The following ANKS1B variants were observed in gnomAD, a reference collection of about 807,000 sequenced individuals.
ANKS1B encodes the protein ankyrin repeat and sterile alpha motif domain-containing protein 1B.
In ANKS1B, 36 loss-of-function variants were observed where a neutral mutation model predicts 148.3. That is an observed-to-expected ratio of 0.24 (90% CI 0.19 to 0.32). ANKS1B has a LOEUF of 0.32. Ranked by LOEUF, ANKS1B falls within the 10% of genes least tolerant of loss-of-function variation. ANKS1B has a pLI of 1.00. For missense variants in ANKS1B, 1,157 were observed against 1,542.6 expected, an observed-to-expected ratio of 0.75 and a Z score of 4.19; for synonymous variants, 542 against 560.8, an observed-to-expected ratio of 0.97 and a Z score of 0.47.
chr12:99,462,229 T>C (rs1293056049), intron 10 of ANKS1B, among the ~76,000 whole-genome samples: 1 of 152,210 alleles, frequency 6.6e-6, no homozygotes, highest in Non-Finnish European at 1.5e-5. Flanking sequence ...CAGCTTTCTT[T>C]TGGAATTGCC....
chr12:99,633,798 C>T lies in ANKS1B; in HGVS notation c.1272+21269G>A, dbSNP rs372087570. On this transcript the variant is annotated intron_variant, in intron 9 of 26. Coordinates refer to ENST00000683438, the MANE Select transcript of ANKS1B (RefSeq NM_001352186.2). Reference sequence around the variant, plus strand: ...CTCAAACAAATTTACAAGAAAAAAACAACCCCATCAACAAGTGGGCGAAGG... The same window carrying T: ...CTCAAACAAATTTACAAGAAAAAAATAACCCCATCAACAAGTGGGCGAAGG... Among the ~76,000 whole-genome samples the T allele has an allele frequency of 1.7e-3, 261 of 152,244 alleles. 7 individuals are homozygous for T. In the South Asian group the frequency reaches 0.047, roughly 27 times the overall value.
chr12:99,635,218 A>G (rs978602684), intron 9 of ANKS1B, among the ~76,000 whole-genome samples: 11 of 152,214 alleles, frequency 7.2e-5, no homozygotes, highest in African/African-American at 2.7e-4. Context: ...AAAATTAGAA[A>G]TAGAATTACC....
intron 12 of ANKS1B, among the ~76,000 whole-genome samples, chr12:99,395,913 T>C (rs1422875429): frequency 6.6e-6 from 1 of 152,176 alleles, no homozygotes; most frequent in Non-Finnish European, 1.5e-5. Flanking sequence ...AAATGAAATG[T>C]AGATTAATCA....
At chr12:99,877,848 C>G (rs1038939073) in intron 1 of ANKS1B, among the ~76,000 whole-genome samples, 1 of 152,154 alleles carries the variant, frequency 6.6e-6, no homozygotes, top group African/African-American at 2.4e-5. Flanking sequence ...GCTTTGAGCA[C>G]AGGAGTTTGA....
intron 10 of ANKS1B, among the ~76,000 whole-genome samples, chr12:99,467,707 A>C (rs2096151342): frequency 1.3e-5 from 2 of 152,016 alleles, no homozygotes; most frequent in Admixed American, 6.6e-5. Flanking sequence ...AAAGAGAATA[A>C]AATACCTAGG....
intron 9 of ANKS1B, among the ~76,000 whole-genome samples, chr12:99,654,649 A>G (rs1274676397): frequency 6.6e-6 from 1 of 152,134 alleles, no homozygotes; most frequent in Non-Finnish European, 1.5e-5. Context: ...ACACATTCCC[A>G]TTATTCTACA....
chr12:98,854,949 G>A (rs1378999978), intron 17 of ANKS1B, among the ~76,000 whole-genome samples: 1 of 151,826 alleles, frequency 6.6e-6, no homozygotes, highest in Non-Finnish European at 1.5e-5. Context: ...CATGAGGTCA[G>A]GAGATCGAGA....
chr12:99,315,894 C>G (rs1453106440), intron 12 of ANKS1B, among the ~76,000 whole-genome samples: 4 of 152,006 alleles, frequency 2.6e-5, no homozygotes, highest in Non-Finnish European at 5.9e-5. Flanking sequence ...TTGTTCAACT[C>G]CCACCTATGA....
chr12:99,411,116 A>C (rs1209854768), intron 11 of ANKS1B, among the ~76,000 whole-genome samples: 3 of 152,178 alleles, frequency 2.0e-5, no homozygotes, highest in Non-Finnish European at 4.4e-5. Context: ...GGAAAGTGGG[A>C]AAACAGTTAA....
intron 1 of ANKS1B, among the ~76,000 whole-genome samples, chr12:99,864,079 C>CAAAAAAAA (rs11445634): frequency 1.5e-5 from 1 of 65,288 alleles, no homozygotes; most frequent in Non-Finnish European, 2.7e-5. Context: ...GACTACATCT[C>CAAAAAAAA]AAAAAAAAAA....
At chr12:99,833,456 T>C (rs1433070645) in intron 1 of ANKS1B, among the ~76,000 whole-genome samples, 1 of 152,186 alleles carries the variant, frequency 6.6e-6, no homozygotes, top group Non-Finnish European at 1.5e-5. Context: ...AAAATTCAAA[T>C]TGATATGTCT....
intron 8 of ANKS1B, among the ~76,000 whole-genome samples, chr12:99,696,662 T>C (rs1452829099): frequency 6.6e-6 from 1 of 152,186 alleles, no homozygotes; most frequent in Non-Finnish European, 1.5e-5. Flanking sequence ...GTGTTGGGTT[T>C]GGCAATAACA....
At chr12:99,902,852 G>A (rs1190374728) in intron 1 of ANKS1B, among the ~76,000 whole-genome samples, 1 of 151,188 alleles carries the variant, frequency 6.6e-6, no homozygotes, top group African/African-American at 2.4e-5. Flanking sequence ...CTGGGTTAAA[G>A]CAATTCTCCT....
chr12:98,929,697 A>G (rs921680452), intron 17 of ANKS1B, among the ~76,000 whole-genome samples: 5 of 152,098 alleles, frequency 3.3e-5, no homozygotes, highest in African/African-American at 1.2e-4. Context: ...AATGGAGGGG[A>G]AACAGGCTCT....
At chr12:98,835,716 C>T (rs1432413252) in intron 17 of ANKS1B, among the ~76,000 whole-genome samples, 4 of 151,992 alleles carry the variant, frequency 2.6e-5, no homozygotes, top group East Asian at 3.9e-4. Flanking sequence ...TGAGGGTGGA[C>T]GGATGAATGA....
At chr12:99,642,580 C>T (rs1362310478) in intron 9 of ANKS1B, among the ~76,000 whole-genome samples, 6 of 152,048 alleles carry the variant, frequency 3.9e-5, no homozygotes, top group African/African-American at 1.4e-4. Flanking sequence ...CTTTGGGAGG[C>T]CGAGGCAGGT....
chr12:99,369,088 A>G (rs1302358652), intron 12 of ANKS1B, among the ~76,000 whole-genome samples: 1 of 152,206 alleles, frequency 6.6e-6, no homozygotes, highest in Non-Finnish European at 1.5e-5. Flanking sequence ...TGCAAAGGGC[A>G]AACAGACCTT....
At chr12:98,800,813 C>G (rs1224901335) in intron 21 of ANKS1B, among the ~76,000 whole-genome samples, 184 bp downstream of exon 21, 1 of 151,866 alleles carries the variant, frequency 6.6e-6, no homozygotes, top group East Asian at 1.9e-4. Flanking sequence ...TTTTAAAGCT[C>G]TAGTTATTTG....
At chr12:99,049,337 C>T (rs940352084) in intron 17 of ANKS1B, among the ~76,000 whole-genome samples, 2 of 151,494 alleles carry the variant, frequency 1.3e-5, no homozygotes, top group Admixed American at 6.6e-5. Context: ...CACACTCTCA[C>T]AGAATGCAAA....
Sources: gnomAD v4.1 joint callset for allele counts (sites outside exome capture counted in the v4.1 genomes callset) on GRCh38, gnomAD v4.1.1 for gene constraint, MANE v1.5 for transcripts, NCBI Gene and HGNC (gene_info 2026-07-23, HGNC 2026-07-21) for gene names.